TMPRSS11F: variants seen among roughly 807,000 people sequenced by gnomAD.
TMPRSS11F encodes transmembrane serine protease 11F.
Under a neutral mutation model 60.2 loss-of-function variants are expected in TMPRSS11F, and 47 were observed. The ratio of observed to expected loss-of-function variants is 0.78; its 90% CI spans 0.62 to 1.00. The LOEUF (loss-of-function observed/expected upper bound fraction) is 1.00. Ranked by LOEUF, TMPRSS11F falls within the 50% of genes least tolerant of loss-of-function variation. The pLI is 0.00. For missense variants in TMPRSS11F, 519 were observed against 522.9 expected (o/e 0.99, Z 0.07); for synonymous variants, 166 against 167.3 (o/e 0.99, Z 0.06).
At chr4:68,086,034 C>T (rs1303166717) in intron 3 of TMPRSS11F, among the ~76,000 whole-genome samples, 1 of 152,184 alleles carries the variant, frequency 6.6e-6, no homozygotes, top group Middle Eastern at 3.4e-3. Flanking sequence ...CTGGACCTAA[C>T]AAACACCTAC....
chr4:68,058,177 CA>C (rs1329171126), intron 9 of TMPRSS11F, among the ~76,000 whole-genome samples: 30 of 152,090 alleles, frequency 2.0e-4, no homozygotes, highest in Non-Finnish European at 2.9e-5. Context: ...TGACTATAAT[CA>C]ATAATACTGT....
At chr4:68,106,212 A>G (rs1724299992) in intron 1 of TMPRSS11F, among the ~76,000 whole-genome samples, 1 of 152,228 alleles carries the variant, frequency 6.6e-6, no homozygotes, top group South Asian at 2.1e-4. Flanking sequence ...TGGAGTACAC[A>G]TCAAAAGAGT....
rs764825059 is a variant in TMPRSS11F, at chr4:68,090,659, CA to C, written c.164-19del. 1.3e-6 allele frequency: 2 copies of C among 1,583,186 alleles called. No individual in the cohort carries two copies. The highest frequency in any genetic ancestry group is 1.7e-6 in the Non-Finnish European group (2 of 1,163,050). On this transcript the variant is annotated intron_variant, in intron 2 of 9. Transcript: ENST00000356291. ...CTTATCATCTGAAAGGTAAAACAAACAAAAGTCTCATGGTTAAAGGTAATAA... is the reference window on the plus strand; with the variant it reads ...CTTATCATCTGAAAGGTAAAACAAACAAAGTCTCATGGTTAAAGGTAATAA...
chr4:68,070,087 T>C (rs747183677), intron 5 of TMPRSS11F, 80 bp from the exon 6 acceptor site: 4 of 1,198,812 alleles, frequency 3.3e-6, no homozygotes, highest in South Asian at 1.4e-5. Context: ...TGGTCATTAA[T>C]AGAAATGTGA....
intron 9 of TMPRSS11F, among the ~76,000 whole-genome samples, chr4:68,058,571 T>G (rs1226955353): frequency 6.6e-6 from 1 of 152,196 alleles, no homozygotes; most frequent in Non-Finnish European, 1.5e-5. Flanking sequence ...TCTTCCTTCA[T>G]GAAGCTTACA....
intron 1 of TMPRSS11F, among the ~76,000 whole-genome samples, chr4:68,122,060 A>C (rs1420183011): frequency 6.6e-6 from 1 of 152,192 alleles, no homozygotes. Context: ...GTATGTATTA[A>C]GTGATTCATT....
intron 1 of TMPRSS11F, among the ~76,000 whole-genome samples, chr4:68,114,217 T>A (rs1169724200): frequency 2.0e-5 from 3 of 150,254 alleles, no homozygotes; most frequent in African/African-American, 7.3e-5. Flanking sequence ...AAAAGCAGAG[T>A]AAATTAAACC....
At chr4:68,096,202 A>C (rs1052403471) in intron 2 of TMPRSS11F, among the ~76,000 whole-genome samples, 1 of 152,148 alleles carries the variant, frequency 6.6e-6, no homozygotes, top group East Asian at 1.9e-4. Flanking sequence ...GCCTCAAAAA[A>C]ATACGTACAA....
chr4:68,093,020 A>T (rs1031937515), intron 2 of TMPRSS11F, among the ~76,000 whole-genome samples: 1 of 152,198 alleles, frequency 6.6e-6, no homozygotes, highest in East Asian at 1.9e-4. Context: ...TTATATGCAG[A>T]GAACATGATA....
At chr4:68,110,961 T>G (rs1724399693) in intron 1 of TMPRSS11F, among the ~76,000 whole-genome samples, 1 of 152,138 alleles carries the variant, frequency 6.6e-6, no homozygotes. Context: ...TAACCATTCT[T>G]CAAAACCATA....
At chr4:68,104,020 A>C (rs1724249366) in intron 1 of TMPRSS11F, among the ~76,000 whole-genome samples, 1 of 152,222 alleles carries the variant, frequency 6.6e-6, no homozygotes, top group Non-Finnish European at 1.5e-5. Context: ...GCAACGTTAT[A>C]AAATTCACTT....
intron 1 of TMPRSS11F, 28 bp from the exon 2 acceptor site, chr4:68,099,066 AATAAAAATTC>A (rs1560406267): frequency 1.3e-6 from 2 of 1,583,420 alleles, no homozygotes; most frequent in African/African-American, 2.7e-5. Flanking sequence ...AAATAGAGAC[AATAAAAATTC>A]ATTATAGTTC....
intron 1 of TMPRSS11F, among the ~76,000 whole-genome samples, chr4:68,119,594 T>C (rs958858972): frequency 2.0e-5 from 3 of 152,176 alleles, no homozygotes; most frequent in African/African-American, 7.2e-5. Flanking sequence ...GCTCTATAGA[T>C]AGAAGAACAA....
chr4:68,095,227 T>A (rs1724048002), intron 2 of TMPRSS11F, among the ~76,000 whole-genome samples: 1 of 151,682 alleles, frequency 6.6e-6, no homozygotes, highest in Non-Finnish European at 1.5e-5. Flanking sequence ...TGTATACATA[T>A]GTGTGTACAA....
At chr4:68,059,301 C>G in intron 9 of TMPRSS11F, 25 bp downstream of exon 9, 2 of 1,608,612 alleles carry the variant, frequency 1.2e-6, no homozygotes, top group Non-Finnish European at 1.7e-6. Context: ...TCCTCATAAA[C>G]TTTTGGCCTT....
intron 1 of TMPRSS11F, among the ~76,000 whole-genome samples, chr4:68,102,897 A>C (rs939788593): frequency 6.6e-6 from 1 of 151,404 alleles, no homozygotes; most frequent in South Asian, 2.1e-4. Context: ...GCCAAGGCCA[A>C]TGTCCAGGAG....
chr4:68,093,061 T>C (rs2109866781), intron 2 of TMPRSS11F, among the ~76,000 whole-genome samples: 1 of 152,248 alleles, frequency 6.6e-6, no homozygotes, highest in East Asian at 1.9e-4. Flanking sequence ...TATTATATGC[T>C]CAGCTCATTT....
intron 6 of TMPRSS11F, 21 bp from the exon 7 acceptor site, chr4:68,068,840 C>A (rs1453366195): frequency 6.2e-7 from 1 of 1,610,804 alleles, no homozygotes; most frequent in South Asian, 1.1e-5. Flanking sequence ...AATACATGAT[C>A]ATTCATATTC....
intron 2 of TMPRSS11F, among the ~76,000 whole-genome samples, chr4:68,095,164 AAT>A (rs1330826615): frequency 6.6e-6 from 1 of 151,214 alleles, no homozygotes; most frequent in African/African-American, 2.4e-5. Flanking sequence ...AATACATAAA[AAT>A]ATATGTATAT....
Sources: gnomAD v4.1 joint callset for allele counts (sites outside exome capture counted in the v4.1 genomes callset) on GRCh38, gnomAD v4.1.1 for gene constraint, MANE v1.5 for transcripts, NCBI Gene and HGNC (gene_info 2026-07-23, HGNC 2026-07-21) for gene names.